Variants in SLC30A9 observed in about 807,000 individuals in gnomAD.
The protein encoded by SLC30A9 is proton-coupled zinc antiporter SLC30A9, mitochondrial.
Under a neutral mutation model 87.5 loss-of-function variants are expected in SLC30A9, and 58 were observed. The observed-to-expected ratio is 0.66, with a 90% CI of 0.54 to 0.82. The LOEUF (loss-of-function observed/expected upper bound fraction) is 0.82, where lower values mean the gene tolerates loss of function less well. Among genes scored for constraint, SLC30A9 ranks in the 40% least tolerant of loss-of-function variants. The probability of loss-of-function intolerance (pLI) is 0.00; values close to 1 mark genes in which losing one functional copy is unlikely to be tolerated. For synonymous variants in SLC30A9, 234 were observed against 233.0 expected (o/e 1.00, Z -0.04); for missense variants, 557 against 679.1 (o/e 0.82, Z 2.00).
intron 14 of SLC30A9, among the ~76,000 whole-genome samples, chr4:42,069,540 T>G (rs1718221511): frequency 6.6e-6 from 1 of 152,176 alleles, no homozygotes; most frequent in Non-Finnish European, 1.5e-5. Flanking sequence ...ACACTTAGTA[T>G]AGATTAACAA....
intron 2 of SLC30A9, among the ~76,000 whole-genome samples, chr4:42,005,218 G>A (rs1184730332): frequency 6.6e-6 from 1 of 152,096 alleles, no homozygotes; most frequent in Admixed American, 6.5e-5. Context: ...TATCTTGAAA[G>A]TATTTGATGT....
intron 9 of SLC30A9, among the ~76,000 whole-genome samples, chr4:42,053,406 G>A (rs1357059852): frequency 6.6e-6 from 1 of 152,124 alleles, no homozygotes; most frequent in Non-Finnish European, 1.5e-5. Flanking sequence ...GTATAAGAAT[G>A]TTGGCTGGGC....
intron 2 of SLC30A9, among the ~76,000 whole-genome samples, chr4:42,013,623 G>GC (rs1410229601): frequency 6.6e-6 from 1 of 152,146 alleles, no homozygotes; most frequent in Non-Finnish European, 1.5e-5. Flanking sequence ...CAACAGATGT[G>GC]CCAAAAACAT....
intron 5 of SLC30A9, 67 bp downstream of exon 5, chr4:42,022,997 G>A (rs1716038695): frequency 1.1e-6 from 1 of 875,150 alleles, no homozygotes; most frequent in South Asian, 1.8e-5. Context: ...ATACATTTTA[G>A]ACAGAGTCAG....
At chr4:42,075,230 T>C (rs1482708325) in intron 15 of SLC30A9, among the ~76,000 whole-genome samples, 10 of 150,552 alleles carry the variant, frequency 6.6e-5, no homozygotes, top group Non-Finnish European at 1.5e-5. Context: ...TGCACCACCA[T>C]GCCTGGCTAA....
Position 42,086,153 on chromosome 4 carries a change from G to A in SLC30A9, c.*27G>A. 7.0e-7 allele frequency: 1 copy of A among 1,432,142 alleles called. No individual in the cohort carries two copies. The highest frequency in any genetic ancestry group is 2.5e-5 in the East Asian group (1 of 40,318). The allele number at this position is 1,432,142 out of a possible 1,614,324, so 88.7% of individuals were successfully genotyped here. A position where few individuals can be genotyped will look rare whatever the true frequency, so the allele number is the denominator to read the frequency against. On this transcript the variant is annotated 3_prime_UTR_variant, in exon 18 of 18. Transcript: ENST00000264451. ...TTTGATGGAATGAATCACCTGGGTG[G>A]GGACCTTGGAAACAAGTTTGTCCGT... is the stretch of plus-strand genomic sequence containing the variant.
intron 10 of SLC30A9, among the ~76,000 whole-genome samples, chr4:42,061,914 G>T (rs1452366532): frequency 2.0e-5 from 3 of 149,582 alleles, no homozygotes; most frequent in Non-Finnish European, 4.4e-5. Context: ...AAAAAAAAAT[G>T]TCGGGCGCGG....
rs56190460 is a variant in SLC30A9 at position 42,053,695 on chromosome 4, C to CAAAAAA, written c.840+4240_840+4245dup. On this transcript the variant is annotated intron_variant, in intron 9 of 17. Transcript: ENST00000264451. ...TGGATGACAAGAGTGACTCGGTCTC[C>CAAAAAA]AAAAAAAAAAAAAAAAAAAAAAAAA... Among the ~76,000 whole-genome samples, 494 of 55,924 alleles carry CAAAAAA rather than the reference C, an allele frequency of 8.8e-3. 85 individuals carry two copies. The highest frequency in any genetic ancestry group is 0.032 in the African/African-American group (341 of 10,540). 36.7% of individuals were successfully genotyped at this position (55,924 alleles called of 152,430 possible).
intron 1 of SLC30A9, among the ~76,000 whole-genome samples, chr4:42,000,877 A>G (rs1714954840): frequency 6.6e-6 from 1 of 152,090 alleles, no homozygotes; most frequent in Non-Finnish European, 1.5e-5. Flanking sequence ...AATGATATCT[A>G]TATAGGGTTT....
intron 14 of SLC30A9, among the ~76,000 whole-genome samples, chr4:42,068,581 T>A (rs558172979): frequency 2.0e-5 from 3 of 152,210 alleles, no homozygotes; most frequent in Non-Finnish European, 2.9e-5. Context: ...TAGCTTATGG[T>A]AAAATTGGTT....
chr4:42,006,207 T>C (rs1205041762), intron 2 of SLC30A9, among the ~76,000 whole-genome samples: 1 of 152,224 alleles, frequency 6.6e-6, no homozygotes, highest in Non-Finnish European at 1.5e-5. Flanking sequence ...TGAGCATCCA[T>C]GGATTTTGGT....
At chr4:42,005,835 T>C (rs554678171) in intron 2 of SLC30A9, among the ~76,000 whole-genome samples, 1 of 152,212 alleles carries the variant, frequency 6.6e-6, no homozygotes, top group East Asian at 1.9e-4. Context: ...TCAAGAAATA[T>C]TTATTGAGCA....
chr4:42,059,938 A>T (rs1195227608), intron 9 of SLC30A9, among the ~76,000 whole-genome samples: 1 of 152,066 alleles, frequency 6.6e-6, no homozygotes, highest in African/African-American at 2.4e-5. Flanking sequence ...TTATTTTGTC[A>T]TTCCCAATTG....
At chr4:42,085,371 C>A (rs552996564) in intron 17 of SLC30A9, among the ~76,000 whole-genome samples, 1 of 152,354 alleles carries the variant, frequency 6.6e-6, no homozygotes, top group South Asian at 2.1e-4. Flanking sequence ...CTGGCTCCAT[C>A]ACTTACTAGC....
At position 42,030,191 on chromosome 4, in the gene SLC30A9, C is replaced by G. The variant is rs1716365951; in HGVS notation, c.611-5084C>G. 4 of 477,600 alleles carry G rather than the reference C, an allele frequency of 8.4e-6. No homozygotes were observed. In the South Asian group the frequency reaches 1.3e-4, roughly 15 times the overall value. 29.6% of individuals were successfully genotyped at this position (477,600 alleles called of 1,614,324 possible). A position where few individuals can be genotyped will look rare whatever the true frequency, so the allele number is the denominator to read the frequency against. On this transcript the variant is annotated intron_variant, in intron 6 of 17. Transcript: ENST00000264451. ...AAAAAAGATACAAAAGCCTGTTAGT[C>G]TTGAACAAACTGTCATATGTATGGG...
chr4:42,017,412 T>G (rs1459425262), intron 2 of SLC30A9, among the ~76,000 whole-genome samples: 1 of 151,834 alleles, frequency 6.6e-6, no homozygotes, highest in African/African-American at 2.4e-5. Context: ...ATGAACAGTT[T>G]TTCTGAGTTT....
At chr4:42,032,490 G>C (rs547381033) in intron 6 of SLC30A9, among the ~76,000 whole-genome samples, 93 of 152,272 alleles carry the variant, frequency 6.1e-4, no homozygotes, top group African/African-American at 2.2e-3. Flanking sequence ...CAGGACCAAG[G>C]CTTAGAAATG....
rs114509266 is a variant in SLC30A9 at position 42,044,805 on chromosome 4, A to T, written c.738-4572A>T. On this transcript the variant is annotated intron_variant, in intron 8 of 17. Coordinates refer to ENST00000264451, the MANE Select transcript of SLC30A9 (RefSeq NM_006345.4). ...TCACTCTTATTCTAATATTGACCAC[A>T]TAATTGGATGTAAAACACTCCTCAG... is the stretch of plus-strand genomic sequence containing the variant. Among the ~76,000 whole-genome samples, 574 of 152,360 alleles carry T rather than the reference A, an allele frequency of 3.8e-3. 1 individual carries two copies. Among genetic ancestry groups the T allele is most frequent in the Non-Finnish European group, 5.5e-3 (374 of 68,028 alleles).
chr4:42,005,227 G>A (rs1439050605), intron 2 of SLC30A9, among the ~76,000 whole-genome samples: 1 of 152,024 alleles, frequency 6.6e-6, no homozygotes, highest in African/African-American at 2.4e-5. Flanking sequence ...AGTATTTGAT[G>A]TTTATCTGGA....
Sources: gnomAD v4.1 joint callset for allele counts (sites outside exome capture counted in the v4.1 genomes callset) on GRCh38, gnomAD v4.1.1 for gene constraint, MANE v1.5 for transcripts, NCBI Gene and HGNC (gene_info 2026-07-23, HGNC 2026-07-21) for gene names.